PLPP3: variants seen among roughly 807,000 people sequenced by gnomAD.
PLPP3 encodes PAP2 beta.
PLPP3 carries 6 observed loss-of-function variants against 29.6 expected under a neutral mutation model. The ratio of observed to expected loss-of-function variants is 0.20; its 90% confidence interval spans 0.11 to 0.40. The LOEUF (loss-of-function observed/expected upper bound fraction) is 0.40, where lower values mean the gene tolerates loss of function less well. Ranked by LOEUF, PLPP3 falls within the 10% of genes least tolerant of loss-of-function variation. The pLI is 1.00. For missense variants in PLPP3, 308 were observed against 407.7 expected, an observed-to-expected ratio of 0.76 and a Z score of 2.11; for synonymous variants, 152 against 159.7, an observed-to-expected ratio of 0.95 and a Z score of 0.36.
At chr1:56,553,406 C>G (rs1184937831) in intron 1 of PLPP3, among the ~76,000 whole-genome samples, 1 of 152,170 alleles carries the variant, frequency 6.6e-6, no homozygotes, top group Non-Finnish European at 1.5e-5. Context: ...CTCCTGCTAA[C>G]CCAGGTGTGA....
chr1:56,558,421 C>T (rs1175261969), intron 1 of PLPP3, among the ~76,000 whole-genome samples: 2 of 152,206 alleles, frequency 1.3e-5, no homozygotes, highest in African/African-American at 4.8e-5. Flanking sequence ...TCTGGCAGGA[C>T]TCCAAGGTAA....
chr1:56,579,166 C>T lies in PLPP3; in HGVS notation c.-150G>A, dbSNP rs1646259679. 9.8e-7 allele frequency: 1 copy of T among 1,018,978 alleles called. No individual in the cohort carries two copies. Among genetic ancestry groups the T allele is most frequent in the Non-Finnish European group, 1.4e-6 (1 of 736,826 alleles). The allele number at this position is 1,018,978 out of a possible 1,614,324, so 63.1% of individuals were successfully genotyped here. A position where few individuals can be genotyped will look rare whatever the true frequency, so the allele number is the denominator to read the frequency against. ...CCGGGCGCGGCGGCTAGAGTGCAGC[C>T]GGGGCTGCCTGCCTCCAACTGCAGA... On this transcript the variant is annotated 5_prime_UTR_variant, in exon 1 of 6. Coordinates refer to ENST00000371250, the MANE Select transcript of PLPP3 (RefSeq NM_003713.5).
intron 1 of PLPP3, among the ~76,000 whole-genome samples, chr1:56,560,041 C>A (rs576966244): frequency 3.3e-5 from 5 of 152,298 alleles, no homozygotes; most frequent in African/African-American, 4.8e-5. Flanking sequence ...CTTTCAGAAG[C>A]CTTCCCCCAG....
At chr1:56,551,036 C>G (rs1646034642) in intron 1 of PLPP3, among the ~76,000 whole-genome samples, 1 of 152,068 alleles carries the variant, frequency 6.6e-6, no homozygotes, top group Non-Finnish European at 1.5e-5. Flanking sequence ...CTGGCAAAGC[C>G]CCACTCTCCA....
At chr1:56,531,940 C>T (rs1176835462) in intron 2 of PLPP3, among the ~76,000 whole-genome samples, 1 of 152,166 alleles carries the variant, frequency 6.6e-6, no homozygotes, top group Non-Finnish European at 1.5e-5. Flanking sequence ...ACACACACTG[C>T]CCCTCACAGA....
intron 1 of PLPP3, among the ~76,000 whole-genome samples, chr1:56,578,311 C>T (rs1343461435): frequency 1.3e-5 from 2 of 152,154 alleles, no homozygotes; most frequent in African/African-American, 4.8e-5. Context: ...TTGCTGAAGC[C>T]GTGCCCAGCA....
intron 4 of PLPP3, among the ~76,000 whole-genome samples, chr1:56,522,994 G>A (rs567188053): frequency 5.9e-5 from 9 of 152,134 alleles, no homozygotes; most frequent in Admixed American, 1.3e-4. Flanking sequence ...TTACCCAACC[G>A]TCTCCAGGAA....
intron 1 of PLPP3, among the ~76,000 whole-genome samples, chr1:56,569,710 T>C (rs933535285): frequency 5.3e-5 from 8 of 152,184 alleles, no homozygotes; most frequent in Non-Finnish European, 7.3e-5. Flanking sequence ...CAGTCCCCTT[T>C]CATAATCTAG....
At chr1:56,517,914 G>A (rs1192926029) in intron 4 of PLPP3, among the ~76,000 whole-genome samples, 1 of 152,142 alleles carries the variant, frequency 6.6e-6, no homozygotes, top group Non-Finnish European at 1.5e-5. Context: ...GAAGCTGAAG[G>A]GAGCCTAAGA....
intron 1 of PLPP3, among the ~76,000 whole-genome samples, chr1:56,557,031 A>G (rs1646086014): frequency 2.6e-5 from 1 of 38,328 alleles, no homozygotes; most frequent in African/African-American, 7.1e-5. Flanking sequence ...AGAGAAAGAG[A>G]GAGAGAGAGA....
At chr1:56,537,858 AGTGACTCTT>A (rs1396415428) in intron 1 of PLPP3, among the ~76,000 whole-genome samples, 3 of 152,180 alleles carry the variant, frequency 2.0e-5, no homozygotes, top group Non-Finnish European at 4.4e-5. Flanking sequence ...AGGAGAACCA[AGTGACTCTT>A]GCAGTTGCTG....
intron 1 of PLPP3, among the ~76,000 whole-genome samples, chr1:56,541,025 G>A (rs577094879): frequency 7.2e-5 from 11 of 152,222 alleles, no homozygotes; most frequent in East Asian, 1.9e-4. Flanking sequence ...TACCTGCCCC[G>A]GAGGAGTTCA....
intron 5 of PLPP3, among the ~76,000 whole-genome samples, chr1:56,506,617 T>C (rs1035923207): frequency 6.6e-6 from 1 of 152,154 alleles, no homozygotes; most frequent in African/African-American, 2.4e-5. Flanking sequence ...TAATTTGCCA[T>C]CTGTTAGAGG....
At chr1:56,507,859 TGA>T (rs1315489132) in intron 5 of PLPP3, among the ~76,000 whole-genome samples, 6 of 152,042 alleles carry the variant, frequency 3.9e-5, no homozygotes, top group South Asian at 2.1e-4. Context: ...TATGTGTGTG[TGA>T]GAGAGAGAGG....
intron 1 of PLPP3, among the ~76,000 whole-genome samples, chr1:56,544,510 C>G (rs1015611670): frequency 6.6e-6 from 1 of 152,088 alleles, no homozygotes; most frequent in Non-Finnish European, 1.5e-5. Context: ...TATTGGGCAC[C>G]CACTATGTGC....
chr1:56,501,800 A>G (rs1016521209), intron 5 of PLPP3, among the ~76,000 whole-genome samples: 4 of 152,204 alleles, frequency 2.6e-5, no homozygotes, highest in Non-Finnish European at 5.9e-5. Context: ...AGAGGGGGGA[A>G]AAAAGAGTGG....
chr1:56,525,428 G>C (rs1645846510), intron 2 of PLPP3, among the ~76,000 whole-genome samples: 1 of 152,096 alleles, frequency 6.6e-6, no homozygotes, highest in African/African-American at 2.4e-5. Flanking sequence ...GCTTAGAGGA[G>C]ATTTATCACT....
At position 56,509,436 on chromosome 1, in the gene PLPP3, C is replaced by T. The variant is rs367995062; in HGVS notation, c.810+2540G>A. ...GGCATAGCTTTGAGTCCATGAGAAT[C>T]GTGGTGCAGCTGTCTATTAGCTCTC... On this transcript the variant is annotated intron_variant, in intron 5 of 5. Coordinates refer to ENST00000371250, the MANE Select transcript of PLPP3 (RefSeq NM_003713.5). Among the ~76,000 whole-genome samples the T allele has an allele frequency of 1.1e-3, 175 of 152,276 alleles. 4 individuals carry two copies. The South Asian group carries it at 0.035, about 30-fold the overall frequency.
At chr1:56,571,508 T>C (rs1646198398) in intron 1 of PLPP3, among the ~76,000 whole-genome samples, 1 of 152,192 alleles carries the variant, frequency 6.6e-6, no homozygotes, top group Non-Finnish European at 1.5e-5. Context: ...CTAACTGACA[T>C]TAAAAAATGA....
Sources: gnomAD v4.1 joint callset for allele counts (sites outside exome capture counted in the v4.1 genomes callset) on GRCh38, gnomAD v4.1.1 for gene constraint, MANE v1.5 for transcripts, NCBI Gene and HGNC (gene_info 2026-07-23, HGNC 2026-07-21) for gene names.